Variants in ATG5 observed in about 807,000 individuals in gnomAD.
ATG5 encodes autophagy related 5.
A neutral mutation model predicts 36.5 loss-of-function variants in ATG5; 14 were observed. The observed-to-expected ratio is 0.38, with a 90% CI of 0.25 to 0.60. ATG5 has a LOEUF of 0.60. Ranked by LOEUF, ATG5 falls within the 20% of genes least tolerant of loss-of-function variation. ATG5 has a pLI of 0.60. For synonymous variants in ATG5, 95 were observed against 101.5 expected (o/e 0.94, Z 0.38); for missense variants, 195 against 326.7 (o/e 0.60, Z 3.11).
At chr6:106,264,973 T>A (rs936848656) in intron 5 of ATG5, among the ~76,000 whole-genome samples, 1 of 151,986 alleles carries the variant, frequency 6.6e-6, no homozygotes, top group Non-Finnish European at 1.5e-5. Context: ...GATGGCAGGA[T>A]CAAATTCACA....
intron 1 of ATG5, 47 bp from the exon 2 acceptor site, chr6:106,316,313 T>C (rs772777225): frequency 7.8e-5 from 51 of 654,726 alleles, no homozygotes; most frequent in Non-Finnish European, 9.8e-6. Context: ...CAACGATGAA[T>C]GAACCTGCTA....
intron 5 of ATG5, among the ~76,000 whole-genome samples, chr6:106,252,756 C>G (rs1778646244): frequency 6.6e-6 from 1 of 152,136 alleles, no homozygotes; most frequent in Admixed American, 6.5e-5. Flanking sequence ...GACCCTCATG[C>G]AGGAAACCGA....
chr6:106,283,009 T>G (rs1779940317), intron 4 of ATG5, among the ~76,000 whole-genome samples: 1 of 152,126 alleles, frequency 6.6e-6, no homozygotes, highest in Admixed American at 6.5e-5. Context: ...CAGGCTGGTC[T>G]TGAACTTCTG....
At chr6:106,243,931 T>TTTTA (rs1562233102) in intron 6 of ATG5, among the ~76,000 whole-genome samples, 1 of 51,342 alleles carries the variant, frequency 1.9e-5, no homozygotes, top group African/African-American at 8.6e-5. Flanking sequence ...TTTTTTTTTT[T>TTTTA]AAAGATAGGG....
intron 5 of ATG5, among the ~76,000 whole-genome samples, chr6:106,278,201 A>G (rs1441060303): frequency 6.6e-6 from 1 of 152,076 alleles, no homozygotes; most frequent in African/African-American, 2.4e-5. Flanking sequence ...TGGGCCTCCT[A>G]AAGAATGCTG....
chr6:106,212,605 C>A (rs1200446320), intron 6 of ATG5, among the ~76,000 whole-genome samples: 1 of 152,210 alleles, frequency 6.6e-6, no homozygotes, highest in Non-Finnish European at 1.5e-5. Context: ...TCCCACTGCA[C>A]TCCAGCCTGG....
chr6:106,201,989 G>C lies in ATG5; in HGVS notation c.674C>G (p.Ser225Cys). 6.2e-7 allele frequency: 1 copy of C among 1,611,244 alleles called. No homozygotes were observed. Among genetic ancestry groups the C allele is most frequent in the Non-Finnish European group, 8.5e-7 (1 of 1,178,218 alleles). Residue 225 changes from serine (S) to cysteine (C), a missense_variant, in exon 7 of 8, where the codon TCT (serine) becomes TGT (cysteine). Coordinates refer to ENST00000369076, the MANE Select transcript of ATG5 (RefSeq NM_004849.4). ...TGTATTACCTTCAGGATCAATAGCA[G>C]AAGGACAAACTTCTTTGAGGAGATC... The part of the protein sequence containing the change: ...LGDLLKEVCP[S>C]AIDPEDGEKK...
chr6:106,224,117 C>T (rs956926055), intron 6 of ATG5, among the ~76,000 whole-genome samples: 2 of 152,228 alleles, frequency 1.3e-5, no homozygotes, highest in African/African-American at 4.8e-5. Context: ...ACTTTAGAAG[C>T]ACTCTGGGAG....
chr6:106,199,424 TC>T (rs1195451225), intron 7 of ATG5, among the ~76,000 whole-genome samples: 1 of 152,152 alleles, frequency 6.6e-6, no homozygotes, highest in Non-Finnish European at 1.5e-5. Context: ...CGGATGCAAC[TC>T]AAATACATAA....
At chr6:106,256,317 A>C (rs748818647) in intron 5 of ATG5, among the ~76,000 whole-genome samples, 10 of 152,220 alleles carry the variant, frequency 6.6e-5, no homozygotes, top group Non-Finnish European at 1.3e-4. Context: ...TGCAGTATGC[A>C]ATGCAACATT....
intron 6 of ATG5, among the ~76,000 whole-genome samples, chr6:106,240,755 AGTACT>A (rs1778090040): frequency 6.6e-6 from 1 of 152,204 alleles, no homozygotes; most frequent in Non-Finnish European, 1.5e-5. Context: ...TGCTTACTGT[AGTACT>A]GTTTATAATG....
At chr6:106,307,308 T>C (rs1770484582) in intron 3 of ATG5, among the ~76,000 whole-genome samples, 1 of 152,214 alleles carries the variant, frequency 6.6e-6, no homozygotes, top group South Asian at 2.1e-4. Flanking sequence ...TTTAAATCTG[T>C]CTTAGCCTGT....
chr6:106,297,849 T>C (rs1007638373), intron 3 of ATG5, among the ~76,000 whole-genome samples: 7 of 151,606 alleles, frequency 4.6e-5, no homozygotes, highest in Admixed American at 6.6e-5. Flanking sequence ...GGCAGGTGGA[T>C]TGCTTGAGCC....
intron 6 of ATG5, among the ~76,000 whole-genome samples, chr6:106,230,589 A>T (rs1376292569): frequency 6.6e-6 from 1 of 152,198 alleles, no homozygotes; most frequent in Non-Finnish European, 1.5e-5. Context: ...AGGACCATAG[A>T]GGACGCTCTA....
chr6:106,294,839 T>C (rs1308852324), intron 3 of ATG5, among the ~76,000 whole-genome samples: 1 of 118,072 alleles, frequency 8.5e-6, no homozygotes, highest in Non-Finnish European at 1.8e-5. Flanking sequence ...TGAGACCTTT[T>C]CTCAAGAAAA....
chr6:106,213,729 G>GT (rs1229841078), intron 6 of ATG5, among the ~76,000 whole-genome samples: 1 of 152,116 alleles, frequency 6.6e-6, no homozygotes, highest in African/African-American at 2.4e-5. Flanking sequence ...AACGTACTGT[G>GT]TATCTAGAGC....
At chr6:106,204,241 TAAATAA>T (rs1776545632) in intron 6 of ATG5, among the ~76,000 whole-genome samples, 1 of 151,866 alleles carries the variant, frequency 6.6e-6, no homozygotes, top group African/African-American at 2.4e-5. Flanking sequence ...AATGAAAAAA[TAAATAA>T]AAATAAGTAG....
chr6:106,229,900 G>C (rs543460640), intron 6 of ATG5, among the ~76,000 whole-genome samples: 1 of 152,308 alleles, frequency 6.6e-6, no homozygotes, highest in South Asian at 2.1e-4. Context: ...AAAGCAAAAA[G>C]GTAGCTTATT....
In ATG5 at chr6:106,221,462, G is replaced by A. The variant is rs144653986; in HGVS notation, c.574-19373C>T. On this transcript the variant is annotated intron_variant, in intron 6 of 7. Transcript: ENST00000369076. Reference sequence around the variant, plus strand: ...GCACTTTGGGAGGCCAAGATGGGCGGATCACTTGAGCCCAGGAATTCGAGA... The same window carrying A: ...GCACTTTGGGAGGCCAAGATGGGCGAATCACTTGAGCCCAGGAATTCGAGA... Among the ~76,000 whole-genome samples, 265 of 152,100 alleles carry A rather than the reference G, an allele frequency of 1.7e-3. 2 individuals are homozygous for A. Among genetic ancestry groups the A allele is most frequent in the African/African-American group, 6.1e-3 (254 of 41,502 alleles).
Sources: allele counts gnomAD v4.1 joint callset (sites outside exome capture counted in the v4.1 genomes callset), GRCh38; gene constraint gnomAD v4.1.1; transcripts MANE v1.5; gene names NCBI Gene and HGNC (gene_info 2026-07-23, HGNC 2026-07-21).